Variants in ZCCHC14 observed in about 807,000 individuals in gnomAD.
ZCCHC14 encodes the protein zinc finger CCHC domain-containing protein 14.
A neutral mutation model predicts 85.0 loss-of-function variants in ZCCHC14; 16 were observed. That is an observed-to-expected ratio of 0.19 (90% CI 0.13 to 0.29). ZCCHC14 has a LOEUF of 0.29. ZCCHC14 is among the 10% of genes least tolerant of loss of function. The probability of loss-of-function intolerance (pLI) is 1.00; values close to 1 mark genes in which losing one functional copy is unlikely to be tolerated. For missense variants in ZCCHC14, 1,303 were observed against 1,443.5 expected (o/e 0.90, Z 1.58); for synonymous variants, 775 against 630.7 (o/e 1.23, Z -3.43).
chr16:87,422,817 G>C (rs772597937), intron 4 of ZCCHC14, among the ~76,000 whole-genome samples: 13 of 152,216 alleles, frequency 8.5e-5, no homozygotes, highest in Admixed American at 2.6e-4. Flanking sequence ...GTGGAGTCCA[G>C]GGAAGCTGTG....
intron 1 of ZCCHC14, among the ~76,000 whole-genome samples, chr16:87,464,649 A>C (rs1210810885): frequency 6.6e-6 from 1 of 152,224 alleles, no homozygotes; most frequent in Non-Finnish European, 1.5e-5. Context: ...CTGGAAAAGA[A>C]AGACCTGTTT....
chr16:87,440,781 AT>A (rs112200566), intron 2 of ZCCHC14, among the ~76,000 whole-genome samples: 79 of 145,986 alleles, frequency 5.4e-4, no homozygotes, highest in African/African-American at 1.8e-3. Context: ...CGATTTTTGT[AT>A]TTTTTTTTTG....
rs570911864 is a variant in ZCCHC14, at chr16:87,411,387, G to A, written c.3205+129C>T. 6.2e-5 allele frequency: 94 copies of A among 1,513,700 alleles called. No homozygotes were observed. The Middle Eastern group carries it at 7.1e-4, about 11-fold the overall frequency. 93.8% of individuals were successfully genotyped at this position (1,513,700 alleles called of 1,614,324 possible). On this transcript the variant is annotated intron_variant, in intron 12 of 12. Transcript: ENST00000671377. ...CACGGCCTATCATGAAGATTTCCAC[G>A]CGCTTTCAAAGAGCATTCGAAAAAT...
chr16:87,477,120 C>CAAAAAAAAAAAAAAAA (rs769416913), intron 1 of ZCCHC14, among the ~76,000 whole-genome samples: 13 of 40,618 alleles, frequency 3.2e-4, no homozygotes, highest in African/African-American at 1.7e-3. Flanking sequence ...GACTCAGTCT[C>CAAAAAAAAAAAAAAAA]AAAAAAAAAA....
intron 1 of ZCCHC14, among the ~76,000 whole-genome samples, chr16:87,486,307 GA>G: frequency 6.6e-6 from 1 of 152,136 alleles, no homozygotes; most frequent in South Asian, 2.1e-4. Flanking sequence ...ACGGACCAGG[GA>G]TCCTCTAAGA....
At position 87,412,429 on chromosome 16, in the gene ZCCHC14, G is replaced by A. The variant is rs1449416791; in HGVS notation, c.2292C>T (p.Ser764=). The part of the protein sequence containing the change: ...ETSTAATGTP[S]TVLHAARPPI... Reference sequence around the variant, plus strand: ...GCGGACGGGCGGCGTGGAGGACTGTGCTGGGCGTCCCCGTGGCGGCCGTGC... The same window carrying A: ...GCGGACGGGCGGCGTGGAGGACTGTACTGGGCGTCCCCGTGGCGGCCGTGC... The change falls in exon 12 of 13, where the codon AGC becomes AGT. Residue 764 remains serine (S), a synonymous_variant. Coordinates refer to ENST00000671377, the MANE Select transcript of ZCCHC14 (RefSeq NM_015144.3). 1 of 1,614,082 alleles carries A rather than the reference G, an allele frequency of 6.2e-7. No homozygotes were observed.
intron 1 of ZCCHC14, among the ~76,000 whole-genome samples, chr16:87,460,619 G>T (rs563751007): frequency 6.6e-6 from 1 of 152,268 alleles, no homozygotes; most frequent in African/African-American, 2.4e-5. Context: ...GAACCCAGGA[G>T]GCAGGGGCTG....
In ZCCHC14 at chr16:87,415,244, A is replaced by C. The variant is rs755923917; in HGVS notation, c.1475+32T>G. The C allele has an allele frequency of 1.9e-6, 3 of 1,604,132 alleles. No individual in the cohort carries two copies. In the South Asian group the frequency reaches 3.3e-5, roughly 18 times the overall value. Reference sequence around the variant, plus strand: ...ATTCGGCACACGAGAAATGGAAATAAACACAGGTTTCAAAACCCACTTCAC... The same window carrying C: ...ATTCGGCACACGAGAAATGGAAATACACACAGGTTTCAAAACCCACTTCAC... On this transcript the variant is annotated intron_variant, in intron 9 of 12. Transcript: ENST00000671377.
chr16:87,490,985 G>A (rs1293733981), intron 1 of ZCCHC14, among the ~76,000 whole-genome samples: 1 of 152,264 alleles, frequency 6.6e-6, no homozygotes, highest in Non-Finnish European at 1.5e-5. Context: ...AAGCCCCAGC[G>A]CCTTGCAATG....
At chr16:87,421,557 GC>G (rs1048774266) in intron 4 of ZCCHC14, among the ~76,000 whole-genome samples, 3 of 152,136 alleles carry the variant, frequency 2.0e-5, no homozygotes, top group African/African-American at 4.8e-5. Flanking sequence ...GAAGGCCCTT[GC>G]CCCCACAAGC....
intron 3 of ZCCHC14, among the ~76,000 whole-genome samples, chr16:87,424,807 T>C (rs1943533917): frequency 6.6e-6 from 1 of 152,078 alleles, no homozygotes; most frequent in Non-Finnish European, 1.5e-5. Context: ...GGGGATGGCC[T>C]GAAATGACAG....
intron 8 of ZCCHC14, among the ~76,000 whole-genome samples, chr16:87,417,170 T>C (rs547855136): frequency 6.6e-6 from 1 of 152,296 alleles, no homozygotes; most frequent in Admixed American, 6.5e-5. Context: ...AGGATTTCTG[T>C]CCACAGCAGG....
At chr16:87,481,837 G>A (rs1328621310) in intron 1 of ZCCHC14, among the ~76,000 whole-genome samples, 1 of 152,120 alleles carries the variant, frequency 6.6e-6, no homozygotes, top group Non-Finnish European at 1.5e-5. Flanking sequence ...CCACAGAGTA[G>A]GTAATTTATA....
intron 1 of ZCCHC14, among the ~76,000 whole-genome samples, chr16:87,480,142 A>T (rs1386954928): frequency 6.6e-6 from 1 of 151,828 alleles, no homozygotes; most frequent in Non-Finnish European, 1.5e-5. Context: ...AGTGGCTCAC[A>T]CCTGTAATCC....
intron 3 of ZCCHC14, among the ~76,000 whole-genome samples, chr16:87,426,660 C>A (rs963820077): frequency 6.6e-6 from 1 of 152,218 alleles, no homozygotes; most frequent in Non-Finnish European, 1.5e-5. Flanking sequence ...CCTCTGGGGG[C>A]AGGGCTCAGC....
chr16:87,439,156 T>C (rs1910068428), intron 2 of ZCCHC14, among the ~76,000 whole-genome samples: 1 of 152,002 alleles, frequency 6.6e-6, no homozygotes, highest in Admixed American at 6.5e-5. Context: ...TTTTTCTTTT[T>C]TTAGAGGGAG....
intron 3 of ZCCHC14, among the ~76,000 whole-genome samples, chr16:87,430,676 C>T (rs1000972508): frequency 3.9e-5 from 6 of 152,086 alleles, no homozygotes; most frequent in Non-Finnish European, 7.4e-5. Context: ...TGCCCGCCAC[C>T]GCGCCCGGCT....
intron 4 of ZCCHC14, among the ~76,000 whole-genome samples, chr16:87,421,206 G>C (rs915275044): frequency 6.6e-6 from 1 of 152,186 alleles, no homozygotes; most frequent in Non-Finnish European, 1.5e-5. Context: ...GAGCCCCATC[G>C]GTGGCACCTG....
intron 4 of ZCCHC14, among the ~76,000 whole-genome samples, chr16:87,422,265 G>C (rs1002661767): frequency 6.6e-6 from 1 of 152,152 alleles, no homozygotes; most frequent in Non-Finnish European, 1.5e-5. Flanking sequence ...GGATCGGCTG[G>C]TGTGGAAACG....
Sources: allele counts gnomAD v4.1 joint callset (sites outside exome capture counted in the v4.1 genomes callset), GRCh38; gene constraint gnomAD v4.1.1; transcripts MANE v1.5; gene names NCBI Gene and HGNC (gene_info 2026-07-23, HGNC 2026-07-21).